The following HERC5 variants were observed in gnomAD, a reference collection of about 807,000 sequenced individuals.
The protein encoded by HERC5 is HECT and RLD domain containing E3 ubiquitin protein ligase 5.
HERC5 carries 99 observed loss-of-function variants against 119.6 expected under a neutral mutation model. The ratio of observed to expected loss-of-function variants is 0.83; its 90% CI spans 0.70 to 0.98. The LOEUF is 0.98. Ranked by LOEUF, HERC5 falls within the 50% of genes least tolerant of loss-of-function variation. HERC5 has a pLI of 0.00. For synonymous variants in HERC5, 478 were observed against 445.9 expected, an observed-to-expected ratio of 1.07 and a Z score of -0.91; for missense variants, 1,267 against 1,241.3, an observed-to-expected ratio of 1.02 and a Z score of -0.31.
chr4:88,482,847 T>G (rs1578056812), intron 13 of HERC5, among the ~76,000 whole-genome samples: 1 of 152,028 alleles, frequency 6.6e-6, no homozygotes, highest in Admixed American at 6.6e-5. Context: ...GCCAGGCTGG[T>G]CTTGAACTCC....
chr4:88,499,946 A>G lies in HERC5; in HGVS notation c.2465A>G (p.Asp822Gly). Residue 822 changes from aspartate to glycine, a missense_variant, in exon 19 of 23, where the codon GAT becomes GGT. Around this residue, in one of 3 missense-constraint regions of HERC5, gnomAD observed 473 missense variants for 445.7 expected, o/e 1.06. Transcript: ENST00000264350. ...DLGKNLQTLLDDEGDNFEEVF... is the reference protein window; with the variant it reads ...DLGKNLQTLLGDEGDNFEEVF... ...CTTAGGAATTTGCAAACACTTCTGG[A>G]TGATGAAGGTGATAACTTTGAGGAA... 6.2e-7 allele frequency: 1 copy of G among 1,608,956 alleles called. No individual in the cohort carries two copies. The highest frequency in any genetic ancestry group is 8.5e-7 in the Non-Finnish European group (1 of 1,175,630).
chr4:88,467,050 A>C lies in HERC5; in HGVS notation c.912-9A>C. On this transcript the variant is annotated splice_polypyrimidine_tract_variant and intron_variant, in intron 6 of 22. Transcript: ENST00000264350. ...TTAAGAATTGACCATATGTGCTTTT[A>C]TTTAATAGGTGGCACACACTTGCCT... The C allele has an allele frequency of 6.2e-7, 1 of 1,613,698 alleles. No individual in the cohort carries two copies. The highest frequency in any genetic ancestry group is 8.5e-7 in the Non-Finnish European group (1 of 1,179,712).
Position 88,500,891 on chromosome 4 carries a change from A to G in HERC5, c.2512-24A>G, listed in dbSNP as rs772933076. The G allele has an allele frequency of 4.5e-6, 7 of 1,555,434 alleles. No individual in the cohort carries two copies. The South Asian group carries it at 6.9e-5, about 15-fold the overall frequency. ...TGTTCAGAATTATGTTGGAGATATT[A>G]TCTGAGTTCATTTGCGGTTACAGGT... is the stretch of plus-strand genomic sequence containing the variant. On this transcript the variant is annotated intron_variant, in intron 19 of 22. Transcript: ENST00000264350.
At chr4:88,503,195 T>C (rs895636725) in intron 20 of HERC5, among the ~76,000 whole-genome samples, 2 of 152,168 alleles carry the variant, frequency 1.3e-5, no homozygotes, top group Admixed American at 1.3e-4. Context: ...ATGCAAGGTA[T>C]GGATCAGGTT....
rs781112889 is a variant in HERC5, at chr4:88,468,349, G to A, written c.1061G>A (p.Ser354Asn). 5 of 1,607,954 alleles carry A rather than the reference G, an allele frequency of 3.1e-6. No individual in the cohort carries two copies. The highest frequency in any genetic ancestry group is 2.2e-5 in the East Asian group (1 of 44,650). Residue 354 changes from serine to asparagine, a missense_variant, in exon 8 of 23, where the codon AGC becomes AAC. Around this residue, in one of 3 missense-constraint regions of HERC5, gnomAD observed 777 missense variants for 758.0 expected, o/e 1.03. Coordinates refer to ENST00000264350, the MANE Select transcript of HERC5 (RefSeq NM_016323.4). ...TACTCTTTGTGCATCCTTTCAGAAAGCCATACCTCAGAAAAGGAGTTAATA... is the reference window on the plus strand; with the variant it reads ...TACTCTTTGTGCATCCTTTCAGAAAACCATACCTCAGAAAAGGAGTTAATA... Reference protein sequence around the residue: ...VSSSEELKLESHTSEKELIMI... With the variant: ...VSSSEELKLENHTSEKELIMI...
chr4:88,491,727 G>A (rs548154846), intron 16 of HERC5, among the ~76,000 whole-genome samples: 1 of 152,202 alleles, frequency 6.6e-6, no homozygotes, highest in East Asian at 1.9e-4. Context: ...TGGCAAGAGT[G>A]GAAGGAGCCC....
At position 88,506,088 on chromosome 4, in the gene HERC5, A is replaced by C. The variant is rs1742096931; in HGVS notation, c.*210A>C. ...CCCGTGACTGTATTCTCTCCCTTGG[A>C]TACCCCTATGCCTACATCATATTCC... On this transcript the variant is annotated 3_prime_UTR_variant, in exon 23 of 23. Transcript: ENST00000264350. The C allele has an allele frequency of 1.1e-5, 6 of 567,308 alleles. No homozygotes were observed. The South Asian group carries it at 1.4e-4, about 14-fold the overall frequency. The allele number at this position is 567,308 out of a possible 1,614,324, so 35.1% of individuals were successfully genotyped here. A position where few individuals can be genotyped will look rare whatever the true frequency, so the allele number is the denominator to read the frequency against.
chr4:88,487,727 A>G (rs929626703), intron 15 of HERC5, among the ~76,000 whole-genome samples: 6 of 152,210 alleles, frequency 3.9e-5, no homozygotes, highest in African/African-American at 1.4e-4. Context: ...AGATGTATCC[A>G]GCAAAGTGGA....
At chr4:88,499,332 A>G (rs1240326307) in intron 18 of HERC5, among the ~76,000 whole-genome samples, 2 of 152,226 alleles carry the variant, frequency 1.3e-5, no homozygotes, top group Non-Finnish European at 2.9e-5. Flanking sequence ...GAGATGTGTT[A>G]TTTCAAAAGC....
At chr4:88,459,561 T>G (rs1740338887) in intron 2 of HERC5, 91 bp downstream of exon 2, 1 of 798,340 alleles carries the variant, frequency 1.3e-6, no homozygotes, top group African/African-American at 1.8e-5. Context: ...GTCCCCTGCT[T>G]TATATAGTAG....
intron 10 of HERC5, among the ~76,000 whole-genome samples, chr4:88,471,025 G>C (rs901872091): frequency 6.7e-6 from 1 of 149,700 alleles, no homozygotes; most frequent in African/African-American, 2.5e-5. Context: ...ATGCTTTAAT[G>C]CAGTTCTGTG....
intron 3 of HERC5, among the ~76,000 whole-genome samples, chr4:88,460,429 T>C (rs955541731): frequency 6.6e-6 from 1 of 152,276 alleles, no homozygotes; most frequent in Admixed American, 6.5e-5. Flanking sequence ...GAAAATTTTC[T>C]GAATAATCAA....
chr4:88,465,100 A>C lies in HERC5; in HGVS notation c.911+1115A>C, dbSNP rs148735571. On this transcript the variant is annotated intron_variant, in intron 6 of 22. Transcript: ENST00000264350. ...CGGCTAATTTTTGTATTTTTAGTAG[A>C]GTCGGGGTTTCACCGTGTTGGCCAG... Among the ~76,000 whole-genome samples, 1,367 of 152,232 alleles carry C rather than the reference A, an allele frequency of 9.0e-3. 13 individuals are homozygous for C. The highest frequency in any genetic ancestry group is 0.015 in the Non-Finnish European group (1,031 of 68,020).
At chr4:88,467,008 CTCA>C (rs1560600302) in intron 6 of HERC5, 48 bp from the exon 7 acceptor site, 1 of 1,582,194 alleles carries the variant, frequency 6.3e-7, no homozygotes, top group Admixed American at 1.7e-5. Context: ...GCTAAACACT[CTCA>C]TCATTGTGGA....
chr4:88,475,302 G>GTTTTTTTC (rs1288480564), intron 11 of HERC5, among the ~76,000 whole-genome samples: 1 of 145,466 alleles, frequency 6.9e-6, no homozygotes, highest in Non-Finnish European at 1.5e-5. Context: ...TCTTGCACAT[G>GTTTTTTTC]TTTTTTTCTT....
chr4:88,469,281 C>G (rs749646313), intron 9 of HERC5, 21 bp downstream of exon 9: 39 of 1,485,382 alleles, frequency 2.6e-5, no homozygotes, highest in Non-Finnish European at 3.6e-5. Context: ...CAGTCTGACT[C>G]TCTGCTTATA....
Position 88,460,114 on chromosome 4 carries a change from GAA to G in HERC5, c.417_418del (p.Lys139AsnfsTer19). The G allele has an allele frequency of 1.3e-6, 2 of 1,553,806 alleles. No homozygotes were observed. Among genetic ancestry groups the G allele is most frequent in the Non-Finnish European group, 8.8e-7 (1 of 1,133,248 alleles). On this transcript the variant is annotated frameshift_variant, in exon 3 of 23. Transcript: ENST00000264350. LOFTEE classifies it high-confidence loss of function. ...CATCAGGTTTGAAAGCATTTTACAA[GAA>G]AAAAAAATAATTCAGATCACATGTG... ...KHLRFESILQ[E>X]KKIIQITCGD...
Position 88,499,911 on chromosome 4 carries a change from T to C in HERC5, c.2445-15T>C. ...GGTTATTACCTTTTTAAAAGCAAGA[T>C]TATTTTTTCCTTAGGAATTTGCAAA... On this transcript the variant is annotated splice_polypyrimidine_tract_variant and intron_variant, in intron 18 of 22. Transcript: ENST00000264350. 1 of 1,579,894 alleles carries C rather than the reference T, an allele frequency of 6.3e-7. No individual in the cohort carries two copies. Among genetic ancestry groups the C allele is most frequent in the South Asian group, 1.1e-5 (1 of 89,772 alleles).
Position 88,504,546 on chromosome 4 carries a change from T to A in HERC5, c.2818T>A (p.Phe940Ile). 1 of 1,577,288 alleles carries A rather than the reference T, an allele frequency of 6.3e-7. No homozygotes were observed. The highest frequency in any genetic ancestry group is 8.6e-7 in the Non-Finnish European group (1 of 1,165,144). The change falls in exon 22 of 23, where the codon TTT (phenylalanine) becomes ATT (isoleucine). Residue 940 changes from phenylalanine to isoleucine, a missense_variant. Phe to Ile is a conservative substitution (Grantham distance 21). Around this residue, in one of 3 missense-constraint regions of HERC5, gnomAD observed 473 missense variants for 445.7 expected, o/e 1.06. Transcript: ENST00000264350. ...CAGTTCACATCCCACCATAGTGATG[T>A]TTTGGAAGGCTTTCCACAAATTGAC... is the stretch of plus-strand genomic sequence containing the variant. ...YNSSHPTIVM[F>I]WKAFHKLTLE... is the part of the protein sequence containing the mutation.
Sources: allele counts gnomAD v4.1 joint callset (sites outside exome capture counted in the v4.1 genomes callset), GRCh38; gene constraint gnomAD v4.1.1; regional missense constraint gnomAD v4.1.1; transcripts MANE v1.5; gene names NCBI Gene and HGNC (gene_info 2026-07-23, HGNC 2026-07-21).